The following YES1 variants were observed in gnomAD, a reference collection of about 807,000 sequenced individuals.
YES1 encodes the protein tyrosine-protein kinase Yes.
A neutral mutation model predicts 70.4 loss-of-function variants in YES1; 39 were observed. The observed-to-expected ratio is 0.55, with a 90% CI of 0.43 to 0.72. The LOEUF (loss-of-function observed/expected upper bound fraction) is 0.72. Among genes scored for constraint, YES1 ranks in the 30% least tolerant of loss-of-function variants. YES1 has a pLI of 0.00. For missense variants in YES1, 495 were observed against 644.8 expected (o/e 0.77, Z 2.52); for synonymous variants, 198 against 218.6 (o/e 0.91, Z 0.83).
chr18:734,764 T>C (rs537394515), intron 10 of YES1, among the ~76,000 whole-genome samples: 1 of 151,750 alleles, frequency 6.6e-6, no homozygotes, highest in South Asian at 2.1e-4. Context: ...GAATGTAAAT[T>C]AGTACAACCA....
At chr18:785,887 AG>A (rs1905911315) in intron 1 of YES1, among the ~76,000 whole-genome samples, 1 of 152,070 alleles carries the variant, frequency 6.6e-6, no homozygotes, top group Non-Finnish European at 1.5e-5. Context: ...GCAGTGAGCC[AG>A]GATTGTGCCA....
At chr18:783,185 T>C (rs145544041) in intron 1 of YES1, among the ~76,000 whole-genome samples, 320 of 152,128 alleles carry the variant, frequency 2.1e-3, no homozygotes, top group Non-Finnish European at 3.8e-3. Context: ...GGAATTTGAG[T>C]CTGCCTGGGC....
Position 756,744 on chromosome 18 carries a change from A to G in YES1, c.84T>C (p.Ser28=). Residue 28 remains serine (S), a synonymous_variant, in exon 2 of 12, where the codon AGT becomes AGC. Coordinates refer to ENST00000314574, the MANE Select transcript of YES1 (RefSeq NM_005433.4). The part of the protein sequence containing the change: ...PENTPEPVST[S]VSHYGAEPTT... The stretch of plus-strand genomic sequence containing the variant: ...TGGGTTCTGCTCCATAATGGCTCAC[A>G]CTTGTACTGACAGGCTCTGGAGTAT... 1 of 1,614,162 alleles carries G rather than the reference A, an allele frequency of 6.2e-7. No individual in the cohort carries two copies. The highest frequency in any genetic ancestry group is 8.5e-7 in the Non-Finnish European group (1 of 1,180,028).
At chr18:774,162 T>C (rs954083336) in intron 1 of YES1, among the ~76,000 whole-genome samples, 10 of 152,158 alleles carry the variant, frequency 6.6e-5, no homozygotes, top group Admixed American at 3.9e-4. Context: ...ATTACCCTCT[T>C]GGTTTCCCCC....
intron 1 of YES1, among the ~76,000 whole-genome samples, chr18:795,615 T>C (rs1906497477): frequency 6.6e-6 from 1 of 152,024 alleles, no homozygotes; most frequent in African/African-American, 2.4e-5. Context: ...AGGACATGGA[T>C]GAAGCTGGAA....
intron 1 of YES1, among the ~76,000 whole-genome samples, chr18:762,510 AAAC>A (rs933269497): frequency 5.3e-5 from 8 of 152,102 alleles, no homozygotes; most frequent in Non-Finnish European, 1.2e-4. Flanking sequence ...AAGAAAAAAC[AAAC>A]AATAAACCAA....
intron 1 of YES1, among the ~76,000 whole-genome samples, chr18:778,196 C>G (rs951021296): frequency 1.3e-5 from 2 of 152,192 alleles, no homozygotes; most frequent in Non-Finnish European, 2.9e-5. Context: ...TAAAAGTAGG[C>G]AAAACTAGGA....
At chr18:802,565 T>C (rs1168181132) in intron 1 of YES1, among the ~76,000 whole-genome samples, 1 of 150,854 alleles carries the variant, frequency 6.6e-6, no homozygotes, top group Admixed American at 6.6e-5. Flanking sequence ...AAAAAAAGTA[T>C]TAATTGAACA....
rs199568212 is a variant in YES1, at chr18:732,790, A to C, written c.1423+44T>G. ...TTCTGTTCCTAATAAACTCCTGATA[A>C]AGCCACTCATGAGATAACCAAGAGC... is the stretch of plus-strand genomic sequence containing the variant. On this transcript the variant is annotated intron_variant, in intron 11 of 11. Transcript: ENST00000314574. The C allele has an allele frequency of 4.5e-5, 72 of 1,613,208 alleles. 1 individual carries two copies. Among genetic ancestry groups the C allele is most frequent in the Middle Eastern group, 3.3e-4 (2 of 6,076 alleles).
At chr18:727,892 T>C (rs1434694719) in intron 11 of YES1, among the ~76,000 whole-genome samples, 1 of 152,188 alleles carries the variant, frequency 6.6e-6, no homozygotes, top group Non-Finnish European at 1.5e-5. Context: ...CTGACTGTTG[T>C]TCCTGCGTAG....
intron 4 of YES1, among the ~76,000 whole-genome samples, chr18:747,719 T>C (rs2080297118): frequency 6.6e-6 from 1 of 152,154 alleles, no homozygotes; most frequent in South Asian, 2.1e-4. Flanking sequence ...ATATGACTGA[T>C]GCAGATTCGT....
Position 736,912 on chromosome 18 carries a change from T to G in YES1, c.1187A>C (p.Asp396Ala), listed in dbSNP as rs1170077387. 6.2e-7 allele frequency: 1 copy of G among 1,612,174 alleles called. No individual in the cohort carries two copies. Reference sequence around the variant, plus strand: ...TACAAGAATATTAGCAGCCCGAAGATCTCGGTGAATATAGTTCATTCTTTC... The same window carrying G: ...TACAAGAATATTAGCAGCCCGAAGAGCTCGGTGAATATAGTTCATTCTTTC... ...YIERMNYIHR[D>A]LRAANILVGE... is the part of the protein sequence containing the mutation. The change falls in exon 10 of 12, where the codon GAT (aspartate) becomes GCT (alanine). Residue 396 changes from aspartate (D) to alanine (A), a missense_variant. Physicochemically the swap from Asp to Ala is moderately radical, Grantham distance 126 (BLOSUM62 -2). Coordinates refer to ENST00000314574, the MANE Select transcript of YES1 (RefSeq NM_005433.4).
intron 1 of YES1, among the ~76,000 whole-genome samples, chr18:771,853 T>C (rs1022390163): frequency 6.6e-6 from 1 of 152,120 alleles, no homozygotes; most frequent in African/African-American, 2.4e-5. Flanking sequence ...TTAAAAAGTA[T>C]TTCCTTATGT....
At chr18:752,379 G>C (rs2080354019) in intron 2 of YES1, among the ~76,000 whole-genome samples, 1 of 152,030 alleles carries the variant, frequency 6.6e-6, no homozygotes, top group Non-Finnish European at 1.5e-5. Context: ...CAAAGTGCTG[G>C]GATTACAGAC....
At chr18:783,910 A>G (rs1905807408) in intron 1 of YES1, among the ~76,000 whole-genome samples, 1 of 152,154 alleles carries the variant, frequency 6.6e-6, no homozygotes, top group South Asian at 2.1e-4. Context: ...CACCGCACCT[A>G]GCTCATTAAT....
intron 1 of YES1, among the ~76,000 whole-genome samples, chr18:809,682 G>A (rs893751708): frequency 1.3e-5 from 2 of 152,084 alleles, no homozygotes; most frequent in Non-Finnish European, 2.9e-5. Context: ...GCAAAGGATA[G>A]CCTAGGTAGT....
chr18:731,801 A>G lies in YES1; in HGVS notation c.1423+1033T>C, dbSNP rs377461319. 3.3e-5 allele frequency among the ~76,000 whole-genome samples: 5 copies of G among 152,026 alleles called. No individual in the cohort carries two copies. The South Asian group carries it at 1.0e-3, about 32-fold the overall frequency. ...GTTAACACGGTGAAACCCCGTCTCTACTAAAAATACAAAAAATTAGCTGGG... is the reference window on the plus strand; with the variant it reads ...GTTAACACGGTGAAACCCCGTCTCTGCTAAAAATACAAAAAATTAGCTGGG... On this transcript the variant is annotated intron_variant, in intron 11 of 11. Transcript: ENST00000314574.
intron 1 of YES1, among the ~76,000 whole-genome samples, chr18:789,999 A>C (rs1906162283): frequency 6.6e-6 from 1 of 152,146 alleles, no homozygotes; most frequent in Non-Finnish European, 1.5e-5. Context: ...TTGAGGATGC[A>C]GTGAGCTGAG....
intron 10 of YES1, among the ~76,000 whole-genome samples, chr18:735,323 A>G (rs1352400680): frequency 6.6e-6 from 1 of 152,182 alleles, no homozygotes; most frequent in Non-Finnish European, 1.5e-5. Context: ...TCAGCCGTAA[A>G]AAGGAATGAA....
Sources: gnomAD v4.1 joint callset for allele counts (sites outside exome capture counted in the v4.1 genomes callset) on GRCh38, gnomAD v4.1.1 for gene constraint, MANE v1.5 for transcripts, NCBI Gene and HGNC (gene_info 2026-07-23, HGNC 2026-07-21) for gene names.